Variants in DLG1 observed in about 807,000 individuals in gnomAD.
DLG1 encodes the protein disks large homolog 1.
A neutral mutation model predicts 123.4 loss-of-function variants in DLG1; 42 were observed. The ratio of observed to expected loss-of-function variants is 0.34; its 90% CI spans 0.27 to 0.44. DLG1 has a LOEUF of 0.44. DLG1 is among the 20% of genes least tolerant of loss of function. DLG1 has a pLI of 1.00. For missense variants in DLG1, 942 were observed against 1,082.6 expected, an observed-to-expected ratio of 0.87 and a Z score of 1.82; for synonymous variants, 317 against 356.2, an observed-to-expected ratio of 0.89 and a Z score of 1.24.
chr3:197,198,617 A>G (rs1452152173), intron 4 of DLG1, among the ~76,000 whole-genome samples: 1 of 152,226 alleles, frequency 6.6e-6, no homozygotes, highest in African/African-American at 2.4e-5. Context: ...AAAATGGGCA[A>G]AAGATTTAAA....
chr3:197,238,803 A>G (rs1747355654), intron 4 of DLG1, among the ~76,000 whole-genome samples: 2 of 152,198 alleles, frequency 1.3e-5, no homozygotes, highest in African/African-American at 4.8e-5. Flanking sequence ...AAAACACAAC[A>G]TAACAAAATT....
intron 5 of DLG1, among the ~76,000 whole-genome samples, chr3:197,162,033 A>C (rs938315729): frequency 1.3e-5 from 2 of 152,188 alleles, no homozygotes; most frequent in Non-Finnish European, 2.9e-5. Context: ...CTTCTCTGGG[A>C]GATAAGACAC....
intron 3 of DLG1, among the ~76,000 whole-genome samples, chr3:197,295,486 A>C (rs1341475001): frequency 2.6e-5 from 4 of 151,882 alleles, no homozygotes; most frequent in South Asian, 2.1e-4. Context: ...CTAAAACAAA[A>C]AAAAAAAACT....
At position 197,224,418 on chromosome 3, in the gene DLG1, T is replaced by C. The variant is rs150820741; in HGVS notation, c.319-29829A>G. On this transcript the variant is annotated intron_variant, in intron 4 of 24. Coordinates refer to ENST00000667157, the MANE Select transcript of DLG1 (RefSeq NM_001366207.1). ...TTTACAGTGATTAGCTTTATAAAAA[T>C]ATTCCTTAAAAAATTTAAAATCCTT... 8.4e-3 allele frequency among the ~76,000 whole-genome samples: 1,283 copies of C among 152,314 alleles called. 16 individuals are homozygous for C. The highest frequency in any genetic ancestry group is 0.017 in the Middle Eastern group (5 of 294).
intron 4 of DLG1, among the ~76,000 whole-genome samples, chr3:197,197,580 C>T (rs190228412): frequency 1.3e-5 from 2 of 152,312 alleles, no homozygotes; most frequent in East Asian, 3.9e-4. Context: ...GGTTTCTATA[C>T]AGCATTCAAT....
chr3:197,156,085 G>C (rs1796296666), intron 5 of DLG1, among the ~76,000 whole-genome samples: 1 of 152,118 alleles, frequency 6.6e-6, no homozygotes, highest in Non-Finnish European at 1.5e-5. Flanking sequence ...CATAATTTAA[G>C]AAACGAACGC....
intron 14 of DLG1, among the ~76,000 whole-genome samples, chr3:197,092,626 T>C (rs983811182): frequency 5.3e-5 from 8 of 152,114 alleles, no homozygotes; most frequent in African/African-American, 1.9e-4. Context: ...GCCTTCCGAG[T>C]AGGTGAGACC....
intron 6 of DLG1, among the ~76,000 whole-genome samples, chr3:197,145,987 C>T (rs968144697): frequency 9.3e-5 from 14 of 151,080 alleles, no homozygotes; most frequent in African/African-American, 3.4e-4. Context: ...GAGTGAGACA[C>T]TGTCTCAAAT....
At chr3:197,093,362 T>C (rs145130677) in intron 14 of DLG1, among the ~76,000 whole-genome samples, 100 of 152,312 alleles carry the variant, frequency 6.6e-4, no homozygotes, top group Non-Finnish European at 1.1e-3. Flanking sequence ...TTTCACCATG[T>C]TGGCCAGGAT....
chr3:197,286,483 C>A (rs574346677), intron 3 of DLG1, among the ~76,000 whole-genome samples: 8 of 152,162 alleles, frequency 5.3e-5, no homozygotes, highest in African/African-American at 1.9e-4. Flanking sequence ...GAGAATGTAA[C>A]GCCGCTACTG....
chr3:197,236,450 A>G (rs1380831355), intron 4 of DLG1, among the ~76,000 whole-genome samples: 1 of 152,258 alleles, frequency 6.6e-6, no homozygotes, highest in Non-Finnish European at 1.5e-5. Context: ...CAGGTGACCT[A>G]CAAGATAAAA....
intron 4 of DLG1, among the ~76,000 whole-genome samples, chr3:197,256,973 A>G (rs1561723061): frequency 6.6e-6 from 1 of 152,190 alleles, no homozygotes; most frequent in Non-Finnish European, 1.5e-5. Flanking sequence ...TCTACACTAA[A>G]AAATTCTATT....
At chr3:197,225,491 T>G (rs925439484) in intron 4 of DLG1, among the ~76,000 whole-genome samples, 1 of 152,170 alleles carries the variant, frequency 6.6e-6, no homozygotes, top group African/African-American at 2.4e-5. Context: ...GTTTAAATAT[T>G]AAAACTGCCA....
At chr3:197,250,022 T>G (rs1753594903) in intron 4 of DLG1, among the ~76,000 whole-genome samples, 1 of 152,198 alleles carries the variant, frequency 6.6e-6, no homozygotes, top group Admixed American at 6.5e-5. Context: ...ATGCCTACTT[T>G]CACCGCTTTT....
In DLG1 at chr3:197,158,273, G is replaced by C. The variant is rs182658325; in HGVS notation, c.484-8477C>G. ...CTATGAAGAAAACAGAAAATAAAAAGTGTTGGTGAGGATGTGGAGAAATTG... is the reference window on the plus strand; with the variant it reads ...CTATGAAGAAAACAGAAAATAAAAACTGTTGGTGAGGATGTGGAGAAATTG... On this transcript the variant is annotated intron_variant, in intron 5 of 24. Transcript: ENST00000667157. 3.3e-5 allele frequency among the ~76,000 whole-genome samples: 5 copies of C among 152,138 alleles called. No homozygotes were observed. In the East Asian group the frequency reaches 9.7e-4, roughly 29 times the overall value.
chr3:197,209,549 C>T (rs2150388706), intron 4 of DLG1, among the ~76,000 whole-genome samples: 1 of 146,770 alleles, frequency 6.8e-6, no homozygotes, highest in African/African-American at 2.4e-5. Flanking sequence ...ATAAACAACA[C>T]TTAACAACTG....
At chr3:197,132,320 A>G (rs540482143) in intron 10 of DLG1, among the ~76,000 whole-genome samples, 1 of 151,382 alleles carries the variant, frequency 6.6e-6, no homozygotes, top group African/African-American at 2.4e-5. Flanking sequence ...TAAGTAAAAC[A>G]TTATCAATGT....
At chr3:197,225,977 T>C (rs1312770294) in intron 4 of DLG1, 1 of 152,628 alleles carries the variant, frequency 6.6e-6, no homozygotes, top group Non-Finnish European at 1.5e-5. Context: ...ACCCTGAGCA[T>C]TTAAATCGAT....
intron 15 of DLG1, among the ~76,000 whole-genome samples, chr3:197,087,949 T>C (rs1461667072): frequency 6.6e-6 from 1 of 152,198 alleles, no homozygotes; most frequent in African/African-American, 2.4e-5. Context: ...CTGTATACTC[T>C]GAAACTTGGT....
Sources: allele counts gnomAD v4.1 joint callset (sites outside exome capture counted in the v4.1 genomes callset), GRCh38; gene constraint gnomAD v4.1.1; transcripts MANE v1.5; gene names NCBI Gene and HGNC (gene_info 2026-07-23, HGNC 2026-07-21).